The following PDE1C variants were observed in gnomAD, a reference collection of about 807,000 sequenced individuals.
PDE1C encodes phosphodiesterase 1C.
In PDE1C, 62 loss-of-function variants were observed where a neutral mutation model predicts 93.1. That is an observed-to-expected ratio of 0.67 (90% CI 0.54 to 0.82). PDE1C has a LOEUF of 0.82. PDE1C is among the 40% of genes least tolerant of loss of function. The probability of loss-of-function intolerance (pLI) is 0.00; values close to 1 mark genes in which losing one functional copy is unlikely to be tolerated. For synonymous variants in PDE1C, 325 were observed against 310.1 expected (o/e 1.05, Z -0.50); for missense variants, 742 against 884.6 (o/e 0.84, Z 2.04).
intron 3 of PDE1C, among the ~76,000 whole-genome samples, chr7:32,148,664 G>A (rs1005091073): frequency 1.3e-5 from 2 of 152,028 alleles, no homozygotes; most frequent in African/African-American, 4.8e-5. Context: ...TCTGGACAAC[G>A]CCACTATATA....
chr7:32,002,369 G>T (rs538591596), intron 2 of PDE1C, among the ~76,000 whole-genome samples: 240 of 152,218 alleles, frequency 1.6e-3, no homozygotes, highest in Middle Eastern at 3.4e-3. Flanking sequence ...TGGAGCTGGC[G>T]GGCTGATGGC....
rs548453531 is a variant in PDE1C at position 31,860,470 on chromosome 7, G to A, written c.750+4472C>T. On this transcript the variant is annotated intron_variant, in intron 7 of 17. Coordinates refer to ENST00000396191, the MANE Select transcript of PDE1C (RefSeq NM_001191057.4). ...TATATAATGGATTAAAACTGTATAAGTTTATATATCCTTAGATACTAATGA... is the reference window on the plus strand; with the variant it reads ...TATATAATGGATTAAAACTGTATAAATTTATATATCCTTAGATACTAATGA... Among the ~76,000 whole-genome samples, 4 of 152,222 alleles carry A rather than the reference G, an allele frequency of 2.6e-5. No homozygotes were observed. The East Asian group carries it at 7.7e-4, about 29-fold the overall frequency.
At chr7:31,655,909 C>A in the PDE1C span, 1 of 985,476 alleles carries the variant, frequency 1.0e-6, no homozygotes, top group Non-Finnish European at 1.2e-6. Flanking sequence ...CCTCACCTGG[C>A]AGCCATCTGC....
At chr7:31,775,769 T>G in intron 16 of PDE1C, 37 bp from the exon 17 acceptor site, 1 of 1,562,642 alleles carries the variant, frequency 6.4e-7, no homozygotes, top group African/African-American at 1.4e-5. Flanking sequence ...AAAAGTAGGA[T>G]TGTGGAAAAA....
chr7:31,677,413 C>T, the PDE1C span, among the ~76,000 whole-genome samples: 3 of 152,070 alleles, frequency 2.0e-5, no homozygotes, highest in Non-Finnish European at 4.4e-5. Context: ...AACTATCAAC[C>T]AATAGACTGT....
intron 3 of PDE1C, among the ~76,000 whole-genome samples, chr7:32,139,318 T>C (rs1800388821): frequency 6.7e-6 from 1 of 148,558 alleles, no homozygotes; most frequent in Non-Finnish European, 1.5e-5. Context: ...TTTTTTTTTT[T>C]TTTTTTTGAG....
chr7:31,659,064 A>G, the PDE1C span, among the ~76,000 whole-genome samples: 25 of 152,154 alleles, frequency 1.6e-4, no homozygotes, highest in African/African-American at 6.0e-4. Context: ...CTTTTTAAAA[A>G]CTGAAAGTAT....
intron 2 of PDE1C, among the ~76,000 whole-genome samples, chr7:31,917,672 T>C (rs528733085): frequency 3.9e-5 from 6 of 152,310 alleles, no homozygotes; most frequent in African/African-American, 1.4e-4. Context: ...AATGCTTCCC[T>C]GTCCCCAATT....
At chr7:32,317,851 A>G (rs1783207069) in intron 1 of PDE1C, among the ~76,000 whole-genome samples, 1 of 152,082 alleles carries the variant, frequency 6.6e-6, no homozygotes, top group South Asian at 2.1e-4. Context: ...CACAGTAACC[A>G]CTCAGTAAAT....
At chr7:31,617,365 A>G in the PDE1C span, among the ~76,000 whole-genome samples, 1 of 152,238 alleles carries the variant, frequency 6.6e-6, no homozygotes, top group South Asian at 2.1e-4. Context: ...TGCCAAAGGT[A>G]TCATACCTCT....
chr7:31,667,551 C>T, the PDE1C span, among the ~76,000 whole-genome samples: 1 of 152,030 alleles, frequency 6.6e-6, no homozygotes, highest in Non-Finnish European at 1.5e-5. Context: ...AGGGTCACAA[C>T]AGGCAAAACA....
intron 1 of PDE1C, among the ~76,000 whole-genome samples, chr7:32,275,397 A>C (rs1345808702): frequency 6.6e-6 from 1 of 152,174 alleles, no homozygotes; most frequent in African/African-American, 2.4e-5. Flanking sequence ...GCTCCTGATG[A>C]GCTTGTAGGC....
At chr7:32,211,909 C>G (rs1806061088) in intron 1 of PDE1C, among the ~76,000 whole-genome samples, 1 of 151,226 alleles carries the variant, frequency 6.6e-6, no homozygotes, top group Non-Finnish European at 1.5e-5. Context: ...GCCTGTAATG[C>G]CAGCTACTCG....
intron 2 of PDE1C, among the ~76,000 whole-genome samples, chr7:32,185,072 T>C (rs1241933095): frequency 2.6e-5 from 4 of 151,288 alleles, no homozygotes; most frequent in Non-Finnish European, 5.9e-5. Context: ...GATCGCACCA[T>C]TGCACTCCAG....
chr7:32,283,457 T>G (rs1455750739), intron 1 of PDE1C, among the ~76,000 whole-genome samples: 1 of 152,246 alleles, frequency 6.6e-6, no homozygotes, highest in Non-Finnish European at 1.5e-5. Context: ...TATAAATTTT[T>G]CCACAATCAT....
intron 3 of PDE1C, among the ~76,000 whole-genome samples, chr7:32,088,209 A>G (rs1194499201): frequency 3.9e-5 from 6 of 152,078 alleles, no homozygotes; most frequent in Admixed American, 2.0e-4. Context: ...AAAAAAAGGA[A>G]GAAAAAAAGC....
intron 16 of PDE1C, chr7:31,783,355 C>A (rs1465847477): frequency 6.6e-6 from 1 of 152,084 alleles, no homozygotes; most frequent in Non-Finnish European, 1.5e-5. Flanking sequence ...TGTCTTTCAG[C>A]ATGCAGGCAA....
At chr7:31,680,490 T>G in the PDE1C span, among the ~76,000 whole-genome samples, 1 of 152,204 alleles carries the variant, frequency 6.6e-6, no homozygotes, top group Non-Finnish European at 1.5e-5. Flanking sequence ...TATGTGGCAT[T>G]GGCAAGGGAC....
intron 2 of PDE1C, among the ~76,000 whole-genome samples, chr7:31,969,536 T>C (rs1376291081): frequency 6.6e-6 from 1 of 152,222 alleles, no homozygotes; most frequent in East Asian, 1.9e-4. Context: ...ATTTTTACAC[T>C]GTTGGGAGGA....
Sources: gnomAD v4.1 joint callset for allele counts (sites outside exome capture counted in the v4.1 genomes callset) on GRCh38, gnomAD v4.1.1 for gene constraint, MANE v1.5 for transcripts, NCBI Gene and HGNC (gene_info 2026-07-23, HGNC 2026-07-21) for gene names.